Variants in CYB5R4 observed in about 807,000 individuals in gnomAD.
CYB5R4 encodes the protein cytochrome b5 reductase 4, also known as N-terminal cytochrome b5 and cytochrome b5 oxidoreductase domain-containing protein.
CYB5R4 carries 55 observed loss-of-function variants against 70.2 expected under a neutral mutation model. That is an observed-to-expected ratio of 0.78 (90% CI 0.63 to 0.98). CYB5R4 has a LOEUF of 0.98. Ranked by LOEUF, CYB5R4 falls within the 50% of genes least tolerant of loss-of-function variation. CYB5R4 has a pLI of 0.00. For missense variants in CYB5R4, 562 were observed against 612.6 expected, an observed-to-expected ratio of 0.92 and a Z score of 0.87; for synonymous variants, 197 against 199.5, an observed-to-expected ratio of 0.99 and a Z score of 0.11.
At chr6:83,860,120 C>T (rs1334170607) in intron 1 of CYB5R4, among the ~76,000 whole-genome samples, 1 of 151,908 alleles carries the variant, frequency 6.6e-6, no homozygotes, top group Non-Finnish European at 1.5e-5. Flanking sequence ...TCCTTTCCCG[C>T]GATTTAAATT....
intron 14 of CYB5R4, among the ~76,000 whole-genome samples, chr6:83,947,295 A>C (rs367739932): frequency 3.9e-5 from 6 of 152,144 alleles, no homozygotes; most frequent in African/African-American, 1.2e-4. Context: ...TGACAAAAAC[A>C]AGCAATAGGG....
At chr6:83,951,060 G>A (rs1411747529) in intron 14 of CYB5R4, among the ~76,000 whole-genome samples, 1 of 150,868 alleles carries the variant, frequency 6.6e-6, no homozygotes, top group Admixed American at 6.6e-5. Flanking sequence ...ACAATTCACA[G>A]GAGAGCCCCC....
intron 2 of CYB5R4, among the ~76,000 whole-genome samples, chr6:83,871,732 G>A (rs1011584071): frequency 6.6e-6 from 1 of 151,946 alleles, no homozygotes; most frequent in African/African-American, 2.4e-5. Flanking sequence ...GTTTTTCAAT[G>A]AATTCATTAA....
intron 9 of CYB5R4, among the ~76,000 whole-genome samples, chr6:83,922,695 A>C (rs955455395): frequency 5.9e-5 from 9 of 152,002 alleles, no homozygotes; most frequent in Admixed American, 5.9e-4. Flanking sequence ...AATGTGTGTC[A>C]TGGGGGTTTG....
At chr6:83,907,673 T>C (rs2099464018) in intron 3 of CYB5R4, among the ~76,000 whole-genome samples, 1 of 152,142 alleles carries the variant, frequency 6.6e-6, no homozygotes, top group African/African-American at 2.4e-5. Flanking sequence ...GTTCATTTCT[T>C]TGTTTTCAGG....
At chr6:83,863,161 A>G (rs75972597) in intron 1 of CYB5R4, among the ~76,000 whole-genome samples, 252 of 152,342 alleles carry the variant, frequency 1.7e-3, no homozygotes, top group Middle Eastern at 0.014. Flanking sequence ...AAACAAAACA[A>G]AATAAAAACC....
intron 15 of CYB5R4, among the ~76,000 whole-genome samples, chr6:83,958,096 A>G (rs149365248): frequency 2.0e-5 from 3 of 152,288 alleles, no homozygotes; most frequent in African/African-American, 4.8e-5. Flanking sequence ...CATATTCTCC[A>G]TATTTGGTGA....
At chr6:83,893,409 A>G (rs920693993) in intron 2 of CYB5R4, 113 bp from the exon 3 acceptor site, 4 of 631,096 alleles carry the variant, frequency 6.3e-6, no homozygotes, top group African/African-American at 1.9e-5. Context: ...TTGAAATAAC[A>G]GTGATTAATT....
intron 2 of CYB5R4, among the ~76,000 whole-genome samples, chr6:83,875,284 A>G (rs2099458348): frequency 6.6e-6 from 1 of 152,098 alleles, no homozygotes; most frequent in Non-Finnish European, 1.5e-5. Flanking sequence ...TAAAATTTTA[A>G]TGTTTTTTTA....
chr6:83,891,912 A>G (rs1340910128), intron 2 of CYB5R4, among the ~76,000 whole-genome samples: 2 of 152,172 alleles, frequency 1.3e-5, no homozygotes, highest in African/African-American at 4.8e-5. Flanking sequence ...CATGGGTTGT[A>G]GATTTCTTGT....
intron 14 of CYB5R4, among the ~76,000 whole-genome samples, chr6:83,944,948 G>A (rs975105314): frequency 4.6e-5 from 7 of 152,002 alleles, no homozygotes; most frequent in Admixed American, 1.3e-4. Context: ...AGAGACCTAC[G>A]AAGAGACACT....
intron 14 of CYB5R4, among the ~76,000 whole-genome samples, chr6:83,941,090 C>A (rs2099469691): frequency 6.6e-6 from 1 of 152,100 alleles, no homozygotes; most frequent in African/African-American, 2.4e-5. Flanking sequence ...TGTTTGTTTG[C>A]ATTAACACTT....
chr6:83,939,076 T>A (rs1422859004), intron 12 of CYB5R4, among the ~76,000 whole-genome samples: 1 of 152,126 alleles, frequency 6.6e-6, no homozygotes, highest in East Asian at 1.9e-4. Flanking sequence ...CCTCAGGTGA[T>A]CCACCTGCCT....
At chr6:83,903,938 G>A (rs1032389372) in intron 3 of CYB5R4, among the ~76,000 whole-genome samples, 5 of 151,032 alleles carry the variant, frequency 3.3e-5, no homozygotes, top group African/African-American at 1.2e-4. Flanking sequence ...CCCTTTTTTT[G>A]GTTATTCTAG....
At chr6:83,862,246 G>A (rs2129126980) in intron 1 of CYB5R4, among the ~76,000 whole-genome samples, 1 of 152,294 alleles carries the variant, frequency 6.6e-6, no homozygotes, top group Non-Finnish European at 1.5e-5. Flanking sequence ...GTGTGACACA[G>A]AATATGCACT....
chr6:83,940,575 G>GGA lies in CYB5R4; in HGVS notation c.1323_1324dup (p.Lys442ArgfsTer3). ...ATGATATAATTTGGAGAAGCCAATT[G>GGA]GAGAAATTAGCATTTAAAGATAAAA... is the stretch of plus-strand genomic sequence containing the variant. On this transcript the variant is annotated frameshift_variant, in exon 14 of 16. Transcript: ENST00000369681. LOFTEE classifies it high-confidence loss of function. 1 of 1,600,834 alleles carries GGA rather than the reference G, an allele frequency of 6.2e-7. No homozygotes were observed. Among genetic ancestry groups the GGA allele is most frequent in the Non-Finnish European group, 8.5e-7 (1 of 1,175,758 alleles).
chr6:83,926,694 TAGACCC>T (rs2099467342), intron 10 of CYB5R4, among the ~76,000 whole-genome samples: 3 of 152,198 alleles, frequency 2.0e-5, no homozygotes, highest in African/African-American at 7.2e-5. Context: ...GTCTATAGCA[TAGACCC>T]AATCCAAAGA....
At chr6:83,934,226 T>G (rs2099468580) in intron 10 of CYB5R4, among the ~76,000 whole-genome samples, 1 of 149,930 alleles carries the variant, frequency 6.7e-6, no homozygotes, top group African/African-American at 2.5e-5. Context: ...AAACCCAATC[T>G]CTTTAAAAAA....
chr6:83,863,464 A>G (rs1377777544), intron 1 of CYB5R4, among the ~76,000 whole-genome samples: 1 of 152,188 alleles, frequency 6.6e-6, no homozygotes, highest in Non-Finnish European at 1.5e-5. Flanking sequence ...GTTTATCTTG[A>G]CAGTCCAGAA....
Sources: allele counts gnomAD v4.1 joint callset (sites outside exome capture counted in the v4.1 genomes callset), GRCh38; gene constraint gnomAD v4.1.1; transcripts MANE v1.5; gene names NCBI Gene and HGNC (gene_info 2026-07-23, HGNC 2026-07-21).